The following CAMK1D variants were observed in gnomAD, a reference collection of about 807,000 sequenced individuals.
The protein encoded by CAMK1D is calcium/calmodulin dependent protein kinase ID.
CAMK1D carries 9 observed loss-of-function variants against 47.7 expected under a neutral mutation model. That is an observed-to-expected ratio of 0.19 (90% CI 0.11 to 0.33). The LOEUF is 0.33. Ranked by LOEUF, CAMK1D falls within the 10% of genes least tolerant of loss-of-function variation. The pLI is 1.00. For synonymous variants in CAMK1D, 184 were observed against 184.9 expected, an observed-to-expected ratio of 0.99 and a Z score of 0.04; for missense variants, 291 against 488.7, an observed-to-expected ratio of 0.60 and a Z score of 3.81.
intron 2 of CAMK1D, among the ~76,000 whole-genome samples, chr10:12,624,623 C>A (rs879150302): frequency 6.6e-6 from 1 of 152,192 alleles, no homozygotes; most frequent in African/African-American, 2.4e-5. Context: ...ACCACATTTT[C>A]TTTCATTCAT....
At chr10:12,491,070 C>T (rs886159109) in intron 1 of CAMK1D, among the ~76,000 whole-genome samples, 9 of 152,102 alleles carry the variant, frequency 5.9e-5, no homozygotes, top group African/African-American at 2.2e-4. Context: ...TTGAGAAATG[C>T]TGATTTCTGT....
chr10:12,538,624 G>A (rs1396109575), intron 1 of CAMK1D, among the ~76,000 whole-genome samples: 1 of 152,206 alleles, frequency 6.6e-6, no homozygotes, highest in African/African-American at 2.4e-5. Context: ...TGGAGTGCCA[G>A]TTCCAGGAAG....
chr10:12,538,468 T>C (rs1366954309), intron 1 of CAMK1D, among the ~76,000 whole-genome samples: 3 of 152,242 alleles, frequency 2.0e-5, no homozygotes, highest in Non-Finnish European at 2.9e-5. Context: ...CCAGTTTTTA[T>C]GTTTAAGCAG....
intron 5 of CAMK1D, among the ~76,000 whole-genome samples, chr10:12,778,731 G>A (rs138534841): frequency 1.2e-3 from 177 of 152,166 alleles, no homozygotes; most frequent in African/African-American, 4.1e-3. Flanking sequence ...ATAGTAGGTG[G>A]GTGTGGTGGC....
In CAMK1D at chr10:12,642,536, A is replaced by T. The variant is rs554666188; in HGVS notation, c.225-24200A>T. On this transcript the variant is annotated intron_variant, in intron 2 of 10. Transcript: ENST00000619168. ...TTTTCCCAGGACTGGGTCAGAGCAT[A>T]CTCTTTCCAACATTGAAAGAAAATA... Among the ~76,000 whole-genome samples the T allele has an allele frequency of 2.6e-4, 39 of 152,206 alleles. 1 individual carries two copies. The South Asian group carries it at 7.5e-3, about 29-fold the overall frequency.
chr10:12,581,135 G>C (rs1448202696), intron 2 of CAMK1D, among the ~76,000 whole-genome samples: 1 of 152,110 alleles, frequency 6.6e-6, no homozygotes, highest in South Asian at 2.1e-4. Flanking sequence ...GAGAACATAC[G>C]ATGTTTGGTT....
chr10:12,507,018 C>A (rs527336763), intron 1 of CAMK1D, among the ~76,000 whole-genome samples: 1 of 152,278 alleles, frequency 6.6e-6, no homozygotes, highest in South Asian at 2.1e-4. Flanking sequence ...AAATTAACTG[C>A]ACCAATTAAT....
At chr10:12,393,486 G>A (rs770852596) in intron 1 of CAMK1D, among the ~76,000 whole-genome samples, 1 of 152,212 alleles carries the variant, frequency 6.6e-6, no homozygotes, top group Non-Finnish European at 1.5e-5. Flanking sequence ...TTTTAGATGT[G>A]TGTTACCACC....
At position 12,694,119 on chromosome 10, in the gene CAMK1D, TGC is replaced by T. The variant is rs1449076396; in HGVS notation, c.299+27310_299+27311del. ...ATTATATAATATATAATATATATTA[TGC>T]ATAATATATATTATATATAATATAA... On this transcript the variant is annotated intron_variant, in intron 3 of 10. Coordinates refer to ENST00000619168, the MANE Select transcript of CAMK1D (RefSeq NM_153498.4). 1.8e-4 allele frequency among the ~76,000 whole-genome samples: 6 copies of T among 34,090 alleles called. 2 individuals are homozygous for T. The South Asian group carries it at 5.8e-3, about 33-fold the overall frequency. 22.4% of individuals were successfully genotyped at this position (34,090 alleles called of 152,430 possible).
chr10:12,688,430 A>G (rs1181487119), intron 3 of CAMK1D, among the ~76,000 whole-genome samples: 3 of 152,180 alleles, frequency 2.0e-5, no homozygotes, highest in Non-Finnish European at 2.9e-5. Flanking sequence ...TAGCCTCTGG[A>G]AAAAAAGGTA....
At chr10:12,371,064 T>A (rs1304383867) in intron 1 of CAMK1D, among the ~76,000 whole-genome samples, 1 of 152,214 alleles carries the variant, frequency 6.6e-6, no homozygotes, top group Non-Finnish European at 1.5e-5. Context: ...TAAGTTACAG[T>A]AAGCTAATAT....
At chr10:12,354,698 C>T (rs1837452887) in intron 1 of CAMK1D, among the ~76,000 whole-genome samples, 1 of 152,012 alleles carries the variant, frequency 6.6e-6, no homozygotes. Flanking sequence ...ACGTGAGCCG[C>T]CGCGCCCAGC....
At chr10:12,582,243 T>C (rs2132340605) in intron 2 of CAMK1D, among the ~76,000 whole-genome samples, 1 of 152,346 alleles carries the variant, frequency 6.6e-6, no homozygotes, top group Non-Finnish European at 1.5e-5. Context: ...TTCATTGGTC[T>C]ATGTGCCTAT....
chr10:12,769,822 C>G, intron 5 of CAMK1D, 23 bp downstream of exon 5: 1 of 1,613,146 alleles, frequency 6.2e-7, no homozygotes, highest in Non-Finnish European at 8.5e-7. Context: ...CATGTGCACA[C>G]ATGTGCCCGT....
chr10:12,746,119 A>AT (rs1835660309), intron 3 of CAMK1D, among the ~76,000 whole-genome samples: 1 of 151,584 alleles, frequency 6.6e-6, no homozygotes, highest in Non-Finnish European at 1.5e-5. Flanking sequence ...AGCTATTAAA[A>AT]AGTTACTGAC....
intron 1 of CAMK1D, among the ~76,000 whole-genome samples, chr10:12,546,681 A>G (rs1024691839): frequency 1.4e-4 from 22 of 152,132 alleles, no homozygotes; most frequent in Admixed American, 1.4e-3. Context: ...GAAGCTGGAA[A>G]CCATCATTCT....
intron 9 of CAMK1D, 111 bp downstream of exon 9, chr10:12,824,663 T>C (rs1407300222): frequency 3.7e-6 from 3 of 812,866 alleles, no homozygotes; most frequent in African/African-American, 3.4e-5. Flanking sequence ...ATTTTGCTAA[T>C]TTTAACTGCA....
chr10:12,559,785 T>TGG (rs1382405566), intron 2 of CAMK1D, among the ~76,000 whole-genome samples: 1 of 152,070 alleles, frequency 6.6e-6, no homozygotes, highest in African/African-American at 2.4e-5. Context: ...GTGCCAGGCC[T>TGG]GGGGAGGCTG....
At chr10:12,364,098 C>G (rs1837762950) in intron 1 of CAMK1D, among the ~76,000 whole-genome samples, 2 of 152,022 alleles carry the variant, frequency 1.3e-5, no homozygotes, top group South Asian at 4.1e-4. Context: ...CCTTCTGACT[C>G]TTAGTGAGTG....
Sources: allele counts gnomAD v4.1 joint callset (sites outside exome capture counted in the v4.1 genomes callset), GRCh38; gene constraint gnomAD v4.1.1; transcripts MANE v1.5; gene names NCBI Gene and HGNC (gene_info 2026-07-23, HGNC 2026-07-21).